TSC22D3: variants seen among roughly 807,000 people sequenced by gnomAD.
TSC22D3 encodes the protein TSC22 domain family protein 3.
TSC22D3 carries 4 observed loss-of-function variants against 11.1 expected under a neutral mutation model. That is an observed-to-expected ratio of 0.36 (90% CI 0.18 to 0.83). The LOEUF (loss-of-function observed/expected upper bound fraction) is 0.83, where lower values mean the gene tolerates loss of function less well. Among genes scored for constraint, TSC22D3 ranks in the 40% least tolerant of loss-of-function variants. The pLI is 0.48. For missense variants in TSC22D3, 118 were observed against 159.4 expected (o/e 0.74, Z 1.40); for synonymous variants, 77 against 70.3 (o/e 1.10, Z -0.48).
chrX:107,740,719 T>A (rs2147755469), intron 1 of TSC22D3, among the ~76,000 whole-genome samples: 1 of 110,844 alleles, frequency 9.0e-6, no homozygotes, highest in Admixed American at 9.6e-5. Context: ...TTATCTAAGT[T>A]TGTGGCCTTG....
At chrX:107,739,350 A>G (rs1162732391) in intron 1 of TSC22D3, among the ~76,000 whole-genome samples, 3 of 112,970 alleles carry the variant, frequency 2.7e-5, no homozygotes, top group Non-Finnish European at 5.6e-5. Flanking sequence ...TGGCACTTCA[A>G]TGCTGCAGGC....
intron 2 of TSC22D3, 30 bp downstream of exon 2, chrX:107,715,869 G>A (rs759486681): frequency 1.7e-6 from 2 of 1,206,282 alleles, no homozygotes; most frequent in Non-Finnish European, 2.2e-6. Flanking sequence ...CTAAGTCAGG[G>A]GATGAGAATG....
At chrX:107,739,001 G>T (rs1928270757) in intron 1 of TSC22D3, among the ~76,000 whole-genome samples, 1 of 113,164 alleles carries the variant, frequency 8.8e-6, no homozygotes, top group Admixed American at 9.2e-5. Context: ...TCTTGGCACT[G>T]CCCGGCCCTT....
At chrX:107,727,118 G>A (rs1015251354) in intron 1 of TSC22D3, among the ~76,000 whole-genome samples, 4 of 111,813 alleles carry the variant, frequency 3.6e-5, no homozygotes, top group Non-Finnish European at 5.6e-5. Context: ...CATTTGTCAT[G>A]TCACAGGGTG....
chrX:107,775,662 T>C lies in TSC22D3; in HGVS notation c.-243A>G. ...GAGCGGATCCTTCGGGCTCACTTCC[T>C]CCTCTTCCTCCTTCTCCTCCCCCTC... On this transcript the variant is annotated 5_prime_UTR_variant, in exon 1 of 3. Transcript: ENST00000372383. 3.7e-6 allele frequency: 1 copy of C among 273,972 alleles called. No individual in the cohort carries two copies. 22.6% of individuals were successfully genotyped at this position (273,972 alleles called of 1,213,427 possible).
intron 1 of TSC22D3, among the ~76,000 whole-genome samples, chrX:107,743,066 G>A (rs1602391696): frequency 8.9e-6 from 1 of 112,327 alleles, no homozygotes; most frequent in East Asian, 2.8e-4. Context: ...AGGCTGCCAG[G>A]ATAGCCCTGG....
intron 1 of TSC22D3, among the ~76,000 whole-genome samples, chrX:107,742,346 A>T: frequency 2.0e-5 from 1 of 51,141 alleles, no homozygotes; most frequent in African/African-American, 8.3e-5. Context: ...CGCGGTGTTT[A>T]GGAAGGGGGG....
At chrX:107,744,386 C>A (rs998709421) in intron 1 of TSC22D3, among the ~76,000 whole-genome samples, 1 of 110,931 alleles carries the variant, frequency 9.0e-6, no homozygotes, top group Non-Finnish European at 1.9e-5. Flanking sequence ...GAGGTTGAGG[C>A]GGGCGGATTG....
rs781706705 is a variant in TSC22D3 at position 107,715,933 on chromosome X, A to G, written c.338T>C (p.Val113Ala). ...TTCGATCTTGTTGTCTATGGCCACC[A>G]CGCTGGCTCCGGAGGCACTGCCAAG... is the stretch of plus-strand genomic sequence containing the variant. ...LFFHSASGAS[V>A]VAIDNKIEQA... The change falls in exon 2 of 3, where the codon GTG (valine) becomes GCG (alanine). Residue 113 changes from valine to alanine, a missense_variant. Transcript: ENST00000372383. 21 of 1,207,807 alleles carry G rather than the reference A, an allele frequency of 1.7e-5. No individual in the cohort carries two copies. Among genetic ancestry groups the G allele is most frequent in the Non-Finnish European group, 2.3e-5 (21 of 894,230 alleles).
intron 1 of TSC22D3, among the ~76,000 whole-genome samples, chrX:107,766,329 C>A (rs1929650405): frequency 9.0e-6 from 1 of 111,604 alleles, no homozygotes; most frequent in South Asian, 3.7e-4. Flanking sequence ...TCAGGTCAAC[C>A]TGGGGACTTT....
At chrX:107,742,254 T>A (rs1436752764) in intron 1 of TSC22D3, among the ~76,000 whole-genome samples, 2 of 91,846 alleles carry the variant, frequency 2.2e-5, no homozygotes, top group African/African-American at 8.8e-5. Flanking sequence ...TTCAGGCACA[T>A]GTATTTGAGA....
chrX:107,744,878 G>C (rs753653338), intron 1 of TSC22D3, among the ~76,000 whole-genome samples: 2 of 111,999 alleles, frequency 1.8e-5, no homozygotes, highest in East Asian at 5.6e-4. Flanking sequence ...CAGGCTTTTG[G>C]TGTTCTTTTT....
intron 1 of TSC22D3, among the ~76,000 whole-genome samples, chrX:107,755,412 C>A (rs1343715809): frequency 1.8e-5 from 2 of 112,163 alleles, no homozygotes; most frequent in East Asian, 5.6e-4. Context: ...CACAAGGCTC[C>A]TGAGGTGTAA....
chrX:107,719,947 A>G (rs1185772156), intron 1 of TSC22D3, among the ~76,000 whole-genome samples: 2 of 111,620 alleles, frequency 1.8e-5, no homozygotes, highest in Non-Finnish European at 3.8e-5. Context: ...CAATCCTCAA[A>G]GAAAGCTATC....
intron 1 of TSC22D3, among the ~76,000 whole-genome samples, chrX:107,742,791 C>T (rs776036060): frequency 8.9e-6 from 1 of 111,939 alleles, no homozygotes; most frequent in Non-Finnish European, 1.9e-5. Context: ...CCAGCCCACG[C>T]ACGTCCTCCC....
intron 1 of TSC22D3, among the ~76,000 whole-genome samples, chrX:107,751,978 T>C (rs1331084536): frequency 8.9e-6 from 1 of 112,541 alleles, no homozygotes; most frequent in Admixed American, 9.4e-5. Flanking sequence ...TACTACAAGC[T>C]GTTTACACCT....
intron 1 of TSC22D3, among the ~76,000 whole-genome samples, chrX:107,739,334 G>T (rs1370677192): frequency 7.1e-5 from 8 of 112,952 alleles, no homozygotes; most frequent in Non-Finnish European, 9.4e-5. Context: ...ATGTCACAAG[G>T]TTAACTGGCA....
chrX:107,741,409 C>T (rs922014822), intron 1 of TSC22D3, among the ~76,000 whole-genome samples: 2 of 112,729 alleles, frequency 1.8e-5, no homozygotes, highest in Non-Finnish European at 3.8e-5. Flanking sequence ...TCCCCCACTC[C>T]CACATTGTCT....
intron 1 of TSC22D3, chrX:107,716,921 G>A: frequency 8.8e-7 from 1 of 1,142,501 alleles, no homozygotes. Flanking sequence ...CTGGAGTCCG[G>A]CCCTGAGGCT....
Sources: allele counts gnomAD v4.1 joint callset (sites outside exome capture counted in the v4.1 genomes callset), GRCh38; gene constraint gnomAD v4.1.1; transcripts MANE v1.5; gene names NCBI Gene and HGNC (gene_info 2026-07-23, HGNC 2026-07-21).